The following EPB41L4B variants were observed in gnomAD, a reference collection of about 807,000 sequenced individuals.
The protein encoded by EPB41L4B is erythrocyte membrane protein band 4.1 like 4B.
Under a neutral mutation model 112.5 loss-of-function variants are expected in EPB41L4B, and 30 were observed. The ratio of observed to expected loss-of-function variants is 0.27; its 90% CI spans 0.20 to 0.36. The LOEUF is 0.36. EPB41L4B is among the 10% of genes least tolerant of loss of function. The probability of loss-of-function intolerance (pLI) is 1.00; values close to 1 mark genes in which losing one functional copy is unlikely to be tolerated. For missense variants in EPB41L4B, 1,024 were observed against 1,133.3 expected, an observed-to-expected ratio of 0.90 and a Z score of 1.38; for synonymous variants, 408 against 439.7, an observed-to-expected ratio of 0.93 and a Z score of 0.90.
rs141543832 is a variant in EPB41L4B, at chr9:109,236,413, C to T, written c.1409+7205G>A. On this transcript the variant is annotated intron_variant, in intron 15 of 25. Transcript: ENST00000374566. The stretch of plus-strand genomic sequence containing the variant: ...TCCATCCATTGACTTAACATTATGC[C>T]TATTTAAAAAAAAAAAAAAGAGTTG... Among the ~76,000 whole-genome samples the T allele has an allele frequency of 2.2e-3, 336 of 150,340 alleles. 1 individual carries two copies. The highest frequency in any genetic ancestry group is 7.9e-3 in the African/African-American group (323 of 40,836).
chr9:109,237,646 G>A (rs142633003), intron 15 of EPB41L4B, among the ~76,000 whole-genome samples: 108 of 152,266 alleles, frequency 7.1e-4, no homozygotes, highest in African/African-American at 2.6e-3. Context: ...GGGGTGGTAA[G>A]GTGTGGAGAG....
rs1037228474 is a variant in EPB41L4B, at chr9:109,194,354, C to T, written c.2089G>A (p.Val697Met). 6 of 1,614,082 alleles carry T rather than the reference C, an allele frequency of 3.7e-6. No homozygotes were observed. Among genetic ancestry groups the T allele is most frequent in the African/African-American group, 1.3e-5 (1 of 74,932 alleles). The stretch of plus-strand genomic sequence containing the variant: ...GTGTTTGTGGTTGTAGATGTGGTCA[C>T]TCCCACTGCCTCGGCCAGGTCTGGA... ...LPPDLAEAVGVTTSTTTNTTT... is the reference protein window; with the variant it reads ...LPPDLAEAVGMTTSTTTNTTT... Residue 697 changes from valine (V) to methionine (M), a missense_variant, in exon 21 of 26, where the codon GTG becomes ATG. Coordinates refer to ENST00000374566, the MANE Select transcript of EPB41L4B (RefSeq NM_019114.5).
At chr9:109,262,420 T>C (rs995819758) in intron 6 of EPB41L4B, among the ~76,000 whole-genome samples, 2 of 150,954 alleles carry the variant, frequency 1.3e-5, no homozygotes, top group Non-Finnish European at 2.9e-5. Context: ...CTTCTCCTTG[T>C]ACTGCCAATG....
intron 14 of EPB41L4B, among the ~76,000 whole-genome samples, chr9:109,246,825 C>G (rs770326399): frequency 1.3e-5 from 2 of 152,214 alleles, no homozygotes; most frequent in Non-Finnish European, 2.9e-5. Context: ...TAGAAACGTA[C>G]CTGTGCTCCT....
chr9:109,301,688 G>A (rs1836973220), intron 1 of EPB41L4B, among the ~76,000 whole-genome samples: 1 of 152,180 alleles, frequency 6.6e-6, no homozygotes, highest in Non-Finnish European at 1.5e-5. Flanking sequence ...TGCAGTTTTG[G>A]CTAATCTCAT....
At chr9:109,195,927 T>C (rs140404826) in intron 20 of EPB41L4B, among the ~76,000 whole-genome samples, 1 of 152,256 alleles carries the variant, frequency 6.6e-6, no homozygotes, top group African/African-American at 2.4e-5. Context: ...ATTTTACCTG[T>C]TTCTAAGGTA....
At chr9:109,237,229 C>A (rs115066268) in intron 15 of EPB41L4B, among the ~76,000 whole-genome samples, 158 of 152,292 alleles carry the variant, frequency 1.0e-3, no homozygotes, top group African/African-American at 3.7e-3. Flanking sequence ...CCATCTTCAA[C>A]AGAAATGGTA....
At chr9:109,319,280 G>A (rs1837749405) in intron 1 of EPB41L4B, among the ~76,000 whole-genome samples, 1 of 152,230 alleles carries the variant, frequency 6.6e-6, no homozygotes, top group African/African-American at 2.4e-5. Context: ...AGCTGGCGCG[G>A]GGCGGGGGTG....
At chr9:109,183,959 C>T (rs558753090) in intron 23 of EPB41L4B, among the ~76,000 whole-genome samples, 2 of 152,234 alleles carry the variant, frequency 1.3e-5, no homozygotes, top group Admixed American at 6.5e-5. Context: ...ATCCTTGCCA[C>T]GTGTACTGAG....
chr9:109,233,286 T>C (rs1013861661), intron 15 of EPB41L4B, among the ~76,000 whole-genome samples: 2 of 152,132 alleles, frequency 1.3e-5, no homozygotes, highest in Non-Finnish European at 2.9e-5. Context: ...TATTGAAACT[T>C]TAATTGTAAC....
chr9:109,303,655 G>GC lies in EPB41L4B; in HGVS notation c.306+16485_306+16486insG, dbSNP rs530230080. Among the ~76,000 whole-genome samples the GC allele has an allele frequency of 1.3e-4, 19 of 151,322 alleles. No individual in the cohort carries two copies. The South Asian group carries it at 3.4e-3, about 27-fold the overall frequency. On this transcript the variant is annotated intron_variant, in intron 1 of 25. Coordinates refer to ENST00000374566, the MANE Select transcript of EPB41L4B (RefSeq NM_019114.5). Reference sequence around the variant, plus strand: ...GGTGTGAGCCACCATGCCTGGCTGGGTTTTTTTTCTTTTCTTTTCTTTTCT... The same window carrying GC: ...GGTGTGAGCCACCATGCCTGGCTGGGCTTTTTTTTCTTTTCTTTTCTTTTCT...
At chr9:109,221,039 G>C (rs1480755256) in intron 15 of EPB41L4B, among the ~76,000 whole-genome samples, 2 of 152,130 alleles carry the variant, frequency 1.3e-5, no homozygotes, top group Non-Finnish European at 2.9e-5. Context: ...ACGTGAGTTG[G>C]GTTAAGCGAT....
Position 109,208,052 on chromosome 9 carries a change from G to C in EPB41L4B, c.1753-3C>G, listed in dbSNP as rs781021396. On this transcript the variant is annotated splice_polypyrimidine_tract_variant and splice_region_variant and intron_variant, in intron 17 of 25. Coordinates refer to ENST00000374566, the MANE Select transcript of EPB41L4B (RefSeq NM_019114.5). ...TCCGAGACTTTCTTTTCTTCAGCCT[G>C]AGACAAACCAAAATACAAACAGCAG... 6.2e-7 allele frequency: 1 copy of C among 1,613,514 alleles called. No homozygotes were observed. The highest frequency in any genetic ancestry group is 8.5e-7 in the Non-Finnish European group (1 of 1,179,852).
chr9:109,180,474 T>C (rs1832015624), intron 24 of EPB41L4B, among the ~76,000 whole-genome samples: 1 of 151,996 alleles, frequency 6.6e-6, no homozygotes, highest in Admixed American at 6.5e-5. Flanking sequence ...GCATCTAACA[T>C]TCTGGCAGAG....
intron 16 of EPB41L4B, among the ~76,000 whole-genome samples, chr9:109,214,332 C>T (rs1833288727): frequency 6.6e-6 from 1 of 152,138 alleles, no homozygotes; most frequent in South Asian, 2.1e-4. Flanking sequence ...CTCATTAATA[C>T]ATTAAATATT....
chr9:109,286,421 C>G (rs1473194725), intron 1 of EPB41L4B, among the ~76,000 whole-genome samples: 1 of 152,180 alleles, frequency 6.6e-6, no homozygotes, highest in Non-Finnish European at 1.5e-5. Context: ...ATTCCATGAA[C>G]AAGCACCTAG....
At chr9:109,248,995 C>T (rs934344414) in intron 13 of EPB41L4B, among the ~76,000 whole-genome samples, 10 of 150,456 alleles carry the variant, frequency 6.6e-5, no homozygotes, top group Admixed American at 4.0e-4. Flanking sequence ...GGAGGCAGAG[C>T]TGGCAGTGAG....
At chr9:109,313,038 C>A (rs558803404) in intron 1 of EPB41L4B, among the ~76,000 whole-genome samples, 2 of 152,094 alleles carry the variant, frequency 1.3e-5, no homozygotes, top group Non-Finnish European at 2.9e-5. Context: ...GGCAGAAGTT[C>A]CAGGCCAGCC....
At chr9:109,313,051 G>A (rs1487119544) in intron 1 of EPB41L4B, among the ~76,000 whole-genome samples, 1 of 151,980 alleles carries the variant, frequency 6.6e-6, no homozygotes, top group African/African-American at 2.4e-5. Context: ...GGCCAGCCTG[G>A]GCAATATAGT....
Sources: allele counts gnomAD v4.1 joint callset (sites outside exome capture counted in the v4.1 genomes callset), GRCh38; gene constraint gnomAD v4.1.1; transcripts MANE v1.5; gene names NCBI Gene and HGNC (gene_info 2026-07-23, HGNC 2026-07-21).